Variants in TCF7L1 observed in about 807,000 individuals in gnomAD.
TCF7L1 encodes transcription factor 7 like 1.
TCF7L1 carries 18 observed loss-of-function variants against 63.7 expected under a neutral mutation model. The ratio of observed to expected loss-of-function variants is 0.28; its 90% confidence interval spans 0.20 to 0.42. The LOEUF (loss-of-function observed/expected upper bound fraction) is 0.42, where lower values mean the gene tolerates loss of function less well. Among genes scored for constraint, TCF7L1 ranks in the 10% least tolerant of loss-of-function variants. The pLI, the probability that TCF7L1 is intolerant of heterozygous loss-of-function variation, is 1.00. For missense variants in TCF7L1, 654 were observed against 779.3 expected (o/e 0.84, Z 1.91); for synonymous variants, 355 against 340.9 (o/e 1.04, Z -0.46).
At chr2:85,261,639 C>G (rs1213284762) in intron 3 of TCF7L1, among the ~76,000 whole-genome samples, 1 of 152,198 alleles carries the variant, frequency 6.6e-6, no homozygotes, top group African/African-American at 2.4e-5. Context: ...CACCTGTAAT[C>G]CCAGCACTTT....
intron 3 of TCF7L1, among the ~76,000 whole-genome samples, chr2:85,178,623 A>G (rs1044265704): frequency 1.3e-5 from 2 of 152,172 alleles, no homozygotes; most frequent in Admixed American, 6.5e-5. Flanking sequence ...TTTAATGAGC[A>G]CTTACTAGAT....
At chr2:85,168,626 CTT>C (rs555310607) in intron 3 of TCF7L1, among the ~76,000 whole-genome samples, 4 of 145,384 alleles carry the variant, frequency 2.8e-5, no homozygotes, top group African/African-American at 2.5e-5. Flanking sequence ...GTAAATACGA[CTT>C]TTTTTTTTTT....
At chr2:85,289,912 G>C (rs1261842360) in intron 4 of TCF7L1, among the ~76,000 whole-genome samples, 1 of 151,462 alleles carries the variant, frequency 6.6e-6, no homozygotes, top group African/African-American at 2.4e-5. Flanking sequence ...GGCCTCACGG[G>C]ATCCGCGCAC....
In TCF7L1 at chr2:85,309,148, G is replaced by A. The variant is rs1457150738; in HGVS notation, c.1453G>A (p.Ala485Thr). The change falls in exon 12 of 12, where the codon GCT becomes ACT. Residue 485 changes from alanine (A) to threonine (T), a missense_variant. Coordinates refer to ENST00000282111, the MANE Select transcript of TCF7L1 (RefSeq NM_031283.3). ...GGACTCCCCGGCCACTCCCTCTGCA[G>A]CTTTGGCCTCACCAGCTGCCCCTGC... The part of the protein sequence containing the change: ...MLDSPATPSA[A>T]LASPAAPAAT... The A allele has an allele frequency of 6.2e-7, 1 of 1,612,820 alleles. No homozygotes were observed. Among genetic ancestry groups the A allele is most frequent in the Non-Finnish European group, 8.5e-7 (1 of 1,179,788 alleles).
intron 3 of TCF7L1, among the ~76,000 whole-genome samples, chr2:85,234,410 A>G (rs1458867558): frequency 2.0e-5 from 3 of 152,002 alleles, no homozygotes; most frequent in African/African-American, 7.2e-5. Context: ...CTGGGATTAC[A>G]TGTGTGAGGC....
At chr2:85,224,474 C>T (rs1008483379) in intron 3 of TCF7L1, among the ~76,000 whole-genome samples, 1 of 152,176 alleles carries the variant, frequency 6.6e-6, no homozygotes, top group African/African-American at 2.4e-5. Flanking sequence ...TTAATGATCG[C>T]CATTCTAACT....
At chr2:85,211,727 C>T (rs991422841) in intron 3 of TCF7L1, among the ~76,000 whole-genome samples, 4 of 152,234 alleles carry the variant, frequency 2.6e-5, no homozygotes, top group African/African-American at 7.2e-5. Flanking sequence ...GCCCGTGGGC[C>T]CACATCCCTT....
chr2:85,309,473 AC>A lies in TCF7L1; in HGVS notation c.*15del. The A allele has an allele frequency of 6.6e-7, 1 of 1,516,552 alleles. No individual in the cohort carries two copies. Among genetic ancestry groups the A allele is most frequent in the Non-Finnish European group, 8.8e-7 (1 of 1,134,170 alleles). 93.9% of individuals were successfully genotyped at this position (1,516,552 alleles called of 1,614,324 possible). On this transcript the variant is annotated 3_prime_UTR_variant, in exon 12 of 12. Coordinates refer to ENST00000282111, the MANE Select transcript of TCF7L1 (RefSeq NM_031283.3). ...AAGTCTGCCCACTAAGCTCCCCCCG[AC>A]CCCTGCAGGCTGTCACATGACTCAT...
chr2:85,195,700 C>T (rs759203887), intron 3 of TCF7L1, among the ~76,000 whole-genome samples: 4 of 151,994 alleles, frequency 2.6e-5, no homozygotes, highest in Non-Finnish European at 5.9e-5. Context: ...GGGCACGCCA[C>T]CACCCCCGGC....
chr2:85,242,005 C>T (rs187561188), intron 3 of TCF7L1, among the ~76,000 whole-genome samples: 16 of 78,872 alleles, frequency 2.0e-4, no homozygotes, highest in African/African-American at 6.0e-4. Context: ...TTTTTTTGGG[C>T]GGAGGGGGGC....
intron 3 of TCF7L1, among the ~76,000 whole-genome samples, chr2:85,247,787 CATA>C (rs1361060893): frequency 2.0e-5 from 3 of 152,216 alleles, no homozygotes; most frequent in Non-Finnish European, 4.4e-5. Context: ...CCTCTGCCTG[CATA>C]CTTATATACC....
intron 4 of TCF7L1, among the ~76,000 whole-genome samples, chr2:85,296,729 C>T (rs1681845355): frequency 6.6e-6 from 1 of 152,112 alleles, no homozygotes; most frequent in South Asian, 2.1e-4. Flanking sequence ...CCAGCCCATT[C>T]GTCTTTGTAT....
intron 3 of TCF7L1, among the ~76,000 whole-genome samples, chr2:85,252,003 A>G (rs1680600718): frequency 6.6e-6 from 1 of 152,170 alleles, no homozygotes. Flanking sequence ...TGAACCCAGG[A>G]GGTCGAGACT....
At chr2:85,272,179 A>G (rs1245602933) in intron 3 of TCF7L1, among the ~76,000 whole-genome samples, 1 of 152,196 alleles carries the variant, frequency 6.6e-6, no homozygotes, top group African/African-American at 2.4e-5. Context: ...AAGCCATATA[A>G]TTGGGTGGCC....
intron 3 of TCF7L1, among the ~76,000 whole-genome samples, chr2:85,195,467 A>G (rs1442522565): frequency 6.6e-6 from 1 of 152,160 alleles, no homozygotes; most frequent in Non-Finnish European, 1.5e-5. Context: ...ATAAATCAAT[A>G]AATAAGATCT....
intron 3 of TCF7L1, among the ~76,000 whole-genome samples, chr2:85,188,759 G>A (rs944021093): frequency 1.3e-5 from 2 of 152,170 alleles, no homozygotes; most frequent in African/African-American, 4.8e-5. Flanking sequence ...GCCAGGGTAT[G>A]TATCTCCCTG....
At chr2:85,258,603 C>T (rs1680779847) in intron 3 of TCF7L1, among the ~76,000 whole-genome samples, 1 of 152,172 alleles carries the variant, frequency 6.6e-6, no homozygotes, top group Non-Finnish European at 1.5e-5. Context: ...ATTCTAAATT[C>T]GAGCCTGGCC....
intron 3 of TCF7L1, among the ~76,000 whole-genome samples, chr2:85,155,005 C>A (rs532237050): frequency 6.6e-6 from 1 of 152,156 alleles, no homozygotes; most frequent in Admixed American, 6.6e-5. Flanking sequence ...TTAGTAAAGA[C>A]GGGGTTTCAC....
intron 3 of TCF7L1, among the ~76,000 whole-genome samples, chr2:85,245,552 TC>T (rs1680442310): frequency 6.6e-6 from 1 of 151,856 alleles, no homozygotes; most frequent in Admixed American, 6.6e-5. Flanking sequence ...GTGGCTCACA[TC>T]TGTAATCCCA....
Sources: gnomAD v4.1 joint callset for allele counts (sites outside exome capture counted in the v4.1 genomes callset) on GRCh38, gnomAD v4.1.1 for gene constraint, MANE v1.5 for transcripts, NCBI Gene and HGNC (gene_info 2026-07-23, HGNC 2026-07-21) for gene names.